Variants in ZC3H12B observed in about 807,000 individuals in gnomAD.
The protein encoded by ZC3H12B is zinc finger CCCH-type containing 12B.
Under a neutral mutation model 43.9 loss-of-function variants are expected in ZC3H12B, and 7 were observed. The ratio of observed to expected loss-of-function variants is 0.16; its 90% CI spans 0.09 to 0.30. ZC3H12B has a LOEUF of 0.30. Among genes scored for constraint, ZC3H12B ranks in the 10% least tolerant of loss-of-function variants. The pLI is 1.00. For missense variants in ZC3H12B, 475 were observed against 670.2 expected, an observed-to-expected ratio of 0.71 and a Z score of 3.22; for synonymous variants, 222 against 241.7, an observed-to-expected ratio of 0.92 and a Z score of 0.76.
At chrX:65,397,216 A>G (rs1569394019) in intron 2 of ZC3H12B, among the ~76,000 whole-genome samples, 1 of 112,024 alleles carries the variant, frequency 8.9e-6, no homozygotes, top group Non-Finnish European at 1.9e-5. Flanking sequence ...TAATATTGTT[A>G]TATGTGAACT....
intron 3 of ZC3H12B, among the ~76,000 whole-genome samples, chrX:65,450,301 C>G (rs2067455841): frequency 1.2e-5 from 1 of 82,230 alleles, no homozygotes. Context: ...AAGACTTCAT[C>G]TCAAAAAAAA....
At chrX:65,499,472 G>C (rs1363905050) in intron 3 of ZC3H12B, among the ~76,000 whole-genome samples, 1 of 111,523 alleles carries the variant, frequency 9.0e-6, no homozygotes, top group African/African-American at 3.3e-5. Context: ...TTTAAAAATT[G>C]CTTTGTCTAT....
the ZC3H12B span, among the ~76,000 whole-genome samples, chrX:65,341,888 A>G: frequency 4.5e-5 from 5 of 111,397 alleles, no homozygotes; most frequent in African/African-American, 1.6e-4. Context: ...TGTAAACAAG[A>G]TAAATTCCCC....
the ZC3H12B span, among the ~76,000 whole-genome samples, chrX:65,275,682 A>G: frequency 8.9e-6 from 1 of 112,015 alleles, no homozygotes; most frequent in African/African-American, 3.2e-5. Flanking sequence ...ACACCTCAAG[A>G]CCCATTTATA....
chrX:65,404,098 G>T (rs1392014002), intron 3 of ZC3H12B, among the ~76,000 whole-genome samples: 2 of 111,969 alleles, frequency 1.8e-5, no homozygotes, highest in East Asian at 5.6e-4. Context: ...TGAAAATAAA[G>T]TTATGGCATA....
intron 2 of ZC3H12B, among the ~76,000 whole-genome samples, chrX:65,370,453 T>C (rs892624319): frequency 4.5e-5 from 5 of 111,910 alleles, no homozygotes; most frequent in Non-Finnish European, 7.5e-5. Context: ...AAATAAAAAA[T>C]ATGAAAGTAC....
At chrX:65,251,180 T>C in the ZC3H12B span, among the ~76,000 whole-genome samples, 9 of 111,952 alleles carry the variant, frequency 8.0e-5, no homozygotes, top group Non-Finnish European at 1.9e-5. Flanking sequence ...CCCAGGACCA[T>C]TTATTAAATA....
chrX:65,097,436 A>G, the ZC3H12B span, among the ~76,000 whole-genome samples: 837 of 111,499 alleles, frequency 7.5e-3, 6 homozygotes, highest in Non-Finnish European at 0.012. Flanking sequence ...TATAGTTTAT[A>G]TAGTTGTTGG....
chrX:65,164,095 T>C, the ZC3H12B span, among the ~76,000 whole-genome samples: 1 of 112,077 alleles, frequency 8.9e-6, no homozygotes, highest in East Asian at 2.8e-4. Context: ...AATAGTTTAA[T>C]AATTGCAAGG....
chrX:65,035,174 C>T, the ZC3H12B span, among the ~76,000 whole-genome samples: 2 of 112,135 alleles, frequency 1.8e-5, no homozygotes, highest in Non-Finnish European at 3.8e-5. Flanking sequence ...CTTCTCTCGC[C>T]CGCCGAGCCC....
chrX:65,502,015 C>A, exon 5 of ZC3H12B: 1 of 1,210,129 alleles, frequency 8.3e-7, no homozygotes, highest in Non-Finnish European at 1.1e-6. Flanking sequence ...CAGATCCCAG[C>A]ATCCGGTCTG....
intron 2 of ZC3H12B, among the ~76,000 whole-genome samples, chrX:65,392,180 C>G (rs1190689095): frequency 3.6e-5 from 4 of 111,929 alleles, no homozygotes; most frequent in Non-Finnish European, 7.5e-5. Context: ...CTCTGCCTGG[C>G]CGCCACCCCG....
the ZC3H12B span, among the ~76,000 whole-genome samples, chrX:65,298,097 C>G: frequency 8.9e-6 from 1 of 112,062 alleles, no homozygotes; most frequent in Non-Finnish European, 1.9e-5. Flanking sequence ...TAGGCAAAGA[C>G]TTTATGACCA....
At chrX:65,094,503 T>A in the ZC3H12B span, among the ~76,000 whole-genome samples, 2 of 110,948 alleles carry the variant, frequency 1.8e-5, no homozygotes, top group African/African-American at 6.6e-5. Context: ...ACTTCCAGGG[T>A]CCCCATGAGA....
chrX:65,265,182 A>G, the ZC3H12B span, among the ~76,000 whole-genome samples: 3 of 112,238 alleles, frequency 2.7e-5, no homozygotes, highest in Admixed American at 2.8e-4. Context: ...CCCTGTTCAG[A>G]GAAACCTGAT....
At chrX:65,098,444 CAG>C in the ZC3H12B span, among the ~76,000 whole-genome samples, 2 of 110,798 alleles carry the variant, frequency 1.8e-5, no homozygotes, top group Non-Finnish European at 3.8e-5. Flanking sequence ...AATACAAGAA[CAG>C]GGGGATCTGG....
the ZC3H12B span, among the ~76,000 whole-genome samples, chrX:65,218,804 C>T: frequency 1.8e-5 from 2 of 111,523 alleles, no homozygotes; most frequent in Non-Finnish European, 3.8e-5. Flanking sequence ...ATGATTCTTT[C>T]TATACTACTG....
chrX:65,229,392 A>T, the ZC3H12B span, among the ~76,000 whole-genome samples: 1 of 108,759 alleles, frequency 9.2e-6, no homozygotes, highest in Non-Finnish European at 1.9e-5. Flanking sequence ...TTCAAGATGG[A>T]TTAAAGACTT....
the ZC3H12B span, among the ~76,000 whole-genome samples, chrX:65,338,145 A>AT: frequency 3.6e-5 from 4 of 110,411 alleles, no homozygotes; most frequent in South Asian, 3.8e-4. Flanking sequence ...GTTAAGTGTT[A>AT]TTTTTTTTCT....
Sources: allele counts gnomAD v4.1 joint callset (sites outside exome capture counted in the v4.1 genomes callset), GRCh38; gene constraint gnomAD v4.1.1; transcripts MANE v1.5; gene names NCBI Gene and HGNC (gene_info 2026-07-23, HGNC 2026-07-21).